Variants in HORMAD2 observed in about 807,000 individuals in gnomAD.
HORMAD2 encodes HORMA domain-containing protein 2.
In HORMAD2, 45 loss-of-function variants were observed where a neutral mutation model predicts 38.8. The ratio of observed to expected loss-of-function variants is 1.16; its 90% CI spans 0.91 to 1.49. The LOEUF (loss-of-function observed/expected upper bound fraction) is 1.49, where lower values mean the gene tolerates loss of function less well. Ranked by LOEUF, HORMAD2 falls within the 40% of genes most tolerant of loss-of-function variation. HORMAD2 has a pLI of 0.00. For synonymous variants in HORMAD2, 126 were observed against 122.8 expected (o/e 1.03, Z -0.17); for missense variants, 338 against 367.0 (o/e 0.92, Z 0.65).
At chr22:30,200,646 A>G in the HORMAD2 span, among the ~76,000 whole-genome samples, 1 of 151,900 alleles carries the variant, frequency 6.6e-6, no homozygotes, top group Admixed American at 6.6e-5. Context: ...ATATTGATCA[A>G]GGGGGGTGGT....
chr22:30,195,476 G>A, the HORMAD2 span, among the ~76,000 whole-genome samples: 1 of 152,190 alleles, frequency 6.6e-6, no homozygotes, highest in Non-Finnish European at 1.5e-5. Context: ...CAAGGTCACA[G>A]TGAGTCAATG....
At chr22:30,169,262 C>T (rs962376738) in intron 10 of HORMAD2, among the ~76,000 whole-genome samples, 10 of 152,086 alleles carry the variant, frequency 6.6e-5, no homozygotes, top group East Asian at 3.9e-4. Flanking sequence ...TTTGTTTCCC[C>T]GTACCAGGCC....
intron 10 of HORMAD2, among the ~76,000 whole-genome samples, chr22:30,152,005 G>T (rs1407615018): frequency 2.0e-5 from 3 of 152,114 alleles, no homozygotes; most frequent in Non-Finnish European, 2.9e-5. Context: ...TTACCTGTTT[G>T]CTTCCTTTCC....
At chr22:30,148,936 G>A (rs1924584761) in intron 10 of HORMAD2, among the ~76,000 whole-genome samples, 1 of 152,060 alleles carries the variant, frequency 6.6e-6, no homozygotes, top group African/African-American at 2.4e-5. Flanking sequence ...CTGAGATAGT[G>A]CCACTGCACT....
At chr22:30,087,266 A>C (rs1167781779) in intron 1 of HORMAD2, among the ~76,000 whole-genome samples, 1 of 152,222 alleles carries the variant, frequency 6.6e-6, no homozygotes, top group Non-Finnish European at 1.5e-5. Context: ...GATGTCATTC[A>C]CTGAGCGAGG....
chr22:30,121,637 G>C lies in HORMAD2; in HGVS notation c.416G>C (p.Ser139Thr). 1 of 1,588,870 alleles carries C rather than the reference G, an allele frequency of 6.3e-7. No individual in the cohort carries two copies. Among genetic ancestry groups the C allele is most frequent in the Non-Finnish European group, 8.6e-7 (1 of 1,167,402 alleles). ...EGATMDFDSH[S>T]SSTSFESGTN... Reference sequence around the variant, plus strand: ...ATGCTTTTTTTTCTGTGTAGTCATAGCAGCAGTACAAGCTTTGAAAGTGGA... The same window carrying C: ...ATGCTTTTTTTTCTGTGTAGTCATACCAGCAGTACAAGCTTTGAAAGTGGA... Residue 139 changes from serine to threonine, a missense_variant, in exon 9 of 11, where the codon AGC (serine) becomes ACC (threonine). Transcript: ENST00000336726.
intron 6 of HORMAD2, 34 bp downstream of exon 6, chr22:30,111,850 GTC>G: frequency 6.5e-7 from 1 of 1,529,940 alleles, no homozygotes; most frequent in South Asian, 1.2e-5. Flanking sequence ...CCAAGCCTCT[GTC>G]TCTATTTCAT....
At chr22:30,091,260 T>C (rs868155067) in intron 1 of HORMAD2, among the ~76,000 whole-genome samples, 1 of 122,032 alleles carries the variant, frequency 8.2e-6, no homozygotes, top group Non-Finnish European at 1.5e-5. Context: ...CTTTCTCTCT[T>C]TCTTTCTTTT....
chr22:30,159,631 A>G (rs2146213017), intron 10 of HORMAD2, among the ~76,000 whole-genome samples: 1 of 152,260 alleles, frequency 6.6e-6, no homozygotes, highest in Non-Finnish European at 1.5e-5. Flanking sequence ...CTGATTGTGT[A>G]CTGCATAATT....
chr22:30,103,480 G>T lies in HORMAD2; in HGVS notation c.237G>T (p.Gly79=). The change falls in exon 4 of 11, where the codon GGG becomes GGT. Residue 79 remains glycine (G), a synonymous_variant. Transcript: ENST00000336726. ...KILREDKKCP[G]SLHIIRWIQG... Reference sequence around the variant, plus strand: ...TCCGAGAAGATAAAAAATGTCCCGGGTCACTGCATATTATCAGATGGTAAG... The same window carrying T: ...TCCGAGAAGATAAAAAATGTCCCGGTTCACTGCATATTATCAGATGGTAAG... 1 of 1,529,684 alleles carries T rather than the reference G, an allele frequency of 6.5e-7. No homozygotes were observed. The highest frequency in any genetic ancestry group is 1.9e-5 in the Admixed American group (1 of 51,474). 94.8% of individuals were successfully genotyped at this position (1,529,684 alleles called of 1,614,324 possible). A position where few individuals can be genotyped will look rare whatever the true frequency, so the allele number is the denominator to read the frequency against.
At chr22:30,158,885 A>G (rs1468108055) in intron 10 of HORMAD2, among the ~76,000 whole-genome samples, 1 of 151,750 alleles carries the variant, frequency 6.6e-6, no homozygotes, top group Non-Finnish European at 1.5e-5. Context: ...GGGTTTCACC[A>G]TGTTGCCCAG....
Position 30,112,491 on chromosome 22 carries a change from T to C in HORMAD2, c.316-5T>C. The C allele has an allele frequency of 7.1e-7, 1 of 1,402,264 alleles. No individual in the cohort carries two copies. Among genetic ancestry groups the C allele is most frequent in the Non-Finnish European group, 9.6e-7 (1 of 1,040,100 alleles). 86.9% of individuals were successfully genotyped at this position (1,402,264 alleles called of 1,614,324 possible). A position where few individuals can be genotyped will look rare whatever the true frequency, so the allele number is the denominator to read the frequency against. ...ATTAAATGATGTTTATTTTCCCTTA[T>C]ACAGCTTTACACAGATCCCATGGGA... On this transcript the variant is annotated splice_region_variant and splice_polypyrimidine_tract_variant and intron_variant, in intron 6 of 10. Coordinates refer to ENST00000336726, the MANE Select transcript of HORMAD2 (RefSeq NM_152510.4).
chr22:30,173,940 C>G (rs1258522856), intron 10 of HORMAD2, among the ~76,000 whole-genome samples: 2 of 152,172 alleles, frequency 1.3e-5, no homozygotes, highest in East Asian at 3.8e-4. Flanking sequence ...GCTGGCTATC[C>G]TATTTGTGCT....
intron 10 of HORMAD2, among the ~76,000 whole-genome samples, chr22:30,167,228 G>C (rs1301013579): frequency 4.6e-5 from 7 of 152,124 alleles, no homozygotes; most frequent in Admixed American, 3.9e-4. Context: ...TGTCTTACAA[G>C]GATACATCTG....
chr22:30,081,229 TCTC>T (rs1320061849), intron 1 of HORMAD2: 1 of 152,150 alleles, frequency 6.6e-6, no homozygotes. Context: ...TAATCTAATT[TCTC>T]CTCCATTGGA....
intron 5 of HORMAD2, 60 bp downstream of exon 5, chr22:30,104,497 A>T: frequency 7.3e-7 from 1 of 1,376,194 alleles, no homozygotes; most frequent in East Asian, 2.3e-5. Context: ...CTTTAAAAAA[A>T]GAAATTAGAC....
At chr22:30,115,908 A>C (rs928390589) in intron 7 of HORMAD2, among the ~76,000 whole-genome samples, 2 of 152,296 alleles carry the variant, frequency 1.3e-5, no homozygotes, top group South Asian at 2.1e-4. Flanking sequence ...CAGCCCATGC[A>C]AGTCTGTGAA....
chr22:30,160,411 C>G (rs1269748379), intron 10 of HORMAD2, among the ~76,000 whole-genome samples: 1 of 152,054 alleles, frequency 6.6e-6, no homozygotes, highest in Non-Finnish European at 1.5e-5. Flanking sequence ...TCACAACCCT[C>G]CATTTCCTCA....
chr22:30,116,872 C>G (rs760185452), intron 7 of HORMAD2, among the ~76,000 whole-genome samples: 1 of 152,144 alleles, frequency 6.6e-6, no homozygotes, highest in Non-Finnish European at 1.5e-5. Flanking sequence ...CATGGGCAGG[C>G]AGGAAGAATG....
Sources: gnomAD v4.1 joint callset for allele counts (sites outside exome capture counted in the v4.1 genomes callset) on GRCh38, gnomAD v4.1.1 for gene constraint, MANE v1.5 for transcripts, NCBI Gene and HGNC (gene_info 2026-07-23, HGNC 2026-07-21) for gene names.